Variants in EML1 observed in about 807,000 individuals in gnomAD.
The protein encoded by EML1 is echinoderm microtubule-associated protein-like 1.
A neutral mutation model predicts 110.4 loss-of-function variants in EML1; 27 were observed. The ratio of observed to expected loss-of-function variants is 0.24; its 90% CI spans 0.18 to 0.34. EML1 has a LOEUF of 0.34. Ranked by LOEUF, EML1 falls within the 10% of genes least tolerant of loss-of-function variation. The pLI is 1.00. For synonymous variants in EML1, 344 were observed against 385.8 expected (o/e 0.89, Z 1.27); for missense variants, 741 against 1,030.9 (o/e 0.72, Z 3.85).
At position 99,939,862 on chromosome 14, in the gene EML1, G is replaced by C. The variant is rs1050818870; in HGVS notation, c.2323-125G>C. On this transcript the variant is annotated intron_variant, in intron 21 of 21. Transcript: ENST00000262233. This position sits in a 1 kb window ranked among gnomAD's most constrained non-coding sequence, Gnocchi z 4.2. ...TGTCACACACAGAGCAGGTTCCCAA[G>C]TGAGAGCTGCCGAGCGGAGGGCGAG... is the stretch of plus-strand genomic sequence containing the variant. 8 of 1,265,430 alleles carry C rather than the reference G, an allele frequency of 6.3e-6. No homozygotes were observed. The African/African-American group carries it at 1.2e-4, about 19-fold the overall frequency. The allele number at this position is 1,265,430 out of a possible 1,614,324, so 78.4% of individuals were successfully genotyped here. A position where few individuals can be genotyped will look rare whatever the true frequency, so the allele number is the denominator to read the frequency against.
At chr14:99,917,983 T>A in intron 16 of EML1, 134 bp downstream of exon 16, 1 of 872,678 alleles carries the variant, frequency 1.1e-6, no homozygotes, top group Non-Finnish European at 1.8e-6. Flanking sequence ...TACCAAGAAT[T>A]AAGTTAAAAG....
chr14:99,834,448 C>A (rs1318537155), intron 1 of EML1, among the ~76,000 whole-genome samples: 2 of 151,874 alleles, frequency 1.3e-5, no homozygotes, highest in East Asian at 1.9e-4. Flanking sequence ...ACTACAGGTG[C>A]ACGCCACCAT....
Position 99,737,736 on chromosome 14 carries a change from G to T in EML1, c.-97G>T. 4 of 1,225,608 alleles carry T rather than the reference G, an allele frequency of 3.3e-6. No individual in the cohort carries two copies. The South Asian group carries it at 5.1e-5, about 16-fold the overall frequency. The allele number at this position is 1,225,608 out of a possible 1,614,324, so 75.9% of individuals were successfully genotyped here. On this transcript the variant is annotated 5_prime_UTR_variant, in exon 1 of 11. Transcript: ENST00000554479. Reference sequence around the variant, plus strand: ...GGCGGGACGCTGCCTGGGGCTGGACGCGGAGGAGCCCCAAGCCCTGCTGGG... The same window carrying T: ...GGCGGGACGCTGCCTGGGGCTGGACTCGGAGGAGCCCCAAGCCCTGCTGGG...
At chr14:99,903,641 C>T (rs1361924034) in intron 9 of EML1, among the ~76,000 whole-genome samples, 2 of 152,242 alleles carry the variant, frequency 1.3e-5, no homozygotes, top group African/African-American at 4.8e-5. Context: ...CATATTTATA[C>T]AAATACAGCC....
chr14:99,804,040 G>A (rs2057928426), intron 1 of EML1, among the ~76,000 whole-genome samples: 1 of 152,174 alleles, frequency 6.6e-6, no homozygotes. Flanking sequence ...CTGTTAGCTC[G>A]GCTTCACCGA....
intron 1 of EML1, among the ~76,000 whole-genome samples, chr14:99,806,980 A>G (rs997184110): frequency 2.6e-5 from 4 of 152,150 alleles, no homozygotes; most frequent in Admixed American, 6.5e-5. Context: ...GGGATCTAGG[A>G]AGGATCTGGA....
At chr14:99,800,216 T>A (rs1014736527) in intron 1 of EML1, among the ~76,000 whole-genome samples, 1 of 152,188 alleles carries the variant, frequency 6.6e-6, no homozygotes, top group Non-Finnish European at 1.5e-5. Flanking sequence ...AGGCTGCACA[T>A]TCATTTTAAT....
At chr14:99,750,521 C>A (rs536633702) in intron 1 of EML1, among the ~76,000 whole-genome samples, 11 of 152,300 alleles carry the variant, frequency 7.2e-5, no homozygotes, top group Non-Finnish European at 1.0e-4. Flanking sequence ...AGTCAGATAA[C>A]CTCTCTGGGC....
At chr14:99,868,082 G>A (rs2059132753) in intron 3 of EML1, among the ~76,000 whole-genome samples, 1 of 152,012 alleles carries the variant, frequency 6.6e-6, no homozygotes, top group Non-Finnish European at 1.5e-5. Context: ...TGATCATGTG[G>A]TTTTTGTCCT....
rs188743240 is a variant in EML1 at position 99,889,073 on chromosome 14, C to T, written c.519-2126C>T. Among the ~76,000 whole-genome samples, 105 of 152,316 alleles carry T rather than the reference C, an allele frequency of 6.9e-4. 1 individual carries two copies. The highest frequency in any genetic ancestry group is 3.3e-3 in the Admixed American group (50 of 15,306). On this transcript the variant is annotated intron_variant, in intron 4 of 21. Transcript: ENST00000262233. Reference sequence around the variant, plus strand: ...GAGGAAAGCCGAGAGACGTTCTCCACGCTCAGGGCCTGGAACTAAGTGCCA... The same window carrying T: ...GAGGAAAGCCGAGAGACGTTCTCCATGCTCAGGGCCTGGAACTAAGTGCCA...
At chr14:99,777,153 GAACA>G (rs1225734807) in intron 1 of EML1, among the ~76,000 whole-genome samples, 1 of 151,924 alleles carries the variant, frequency 6.6e-6, no homozygotes, top group Admixed American at 6.6e-5. Context: ...AACAAACTGA[GAACA>G]AATAAATAAA....
chr14:99,864,970 G>A (rs1341910757), intron 2 of EML1, among the ~76,000 whole-genome samples: 1 of 152,170 alleles, frequency 6.6e-6, no homozygotes, highest in East Asian at 1.9e-4. Context: ...AGGAAATTGT[G>A]GAAGATGATT....
At chr14:99,779,692 CT>C (rs2057519487) in intron 1 of EML1, among the ~76,000 whole-genome samples, 1 of 152,340 alleles carries the variant, frequency 6.6e-6, no homozygotes, top group African/African-American at 2.4e-5. Context: ...CAGCAGACCC[CT>C]GGCTGCCAAT....
At chr14:99,856,887 A>C (rs1434989117) in intron 2 of EML1, among the ~76,000 whole-genome samples, 4 of 152,156 alleles carry the variant, frequency 2.6e-5, no homozygotes, top group African/African-American at 9.7e-5. Flanking sequence ...CCCTCACCCC[A>C]TATTGGATTA....
intron 17 of EML1, among the ~76,000 whole-genome samples, chr14:99,932,995 G>A (rs897578479): frequency 6.6e-6 from 1 of 152,046 alleles, no homozygotes; most frequent in Non-Finnish European, 1.5e-5. Flanking sequence ...GCGCACATCT[G>A]TAGTCCCAGC....
In EML1 at chr14:99,793,496, G is replaced by C. The variant is rs752433188; in HGVS notation, c.20G>C (p.Ser7Thr). Residue 7 changes from serine (S) to threonine (T), a missense_variant, in exon 1 of 22, where the codon AGC becomes ACC. Transcript: ENST00000262233. ...CTCAGCATGGAGGACGGCTTCTCCA[G>C]CTACAGCAGCCTGTACGACACGTCC... is the stretch of plus-strand genomic sequence containing the variant. The part of the protein sequence containing the change: MEDGFS[S>T]YSSLYDTSSL... The C allele has an allele frequency of 9.5e-7, 1 of 1,055,842 alleles. No individual in the cohort carries two copies. The highest frequency in any genetic ancestry group is 4.1e-5 in the South Asian group (1 of 24,510). The allele number at this position is 1,055,842 out of a possible 1,614,324, so 65.4% of individuals were successfully genotyped here. A position where few individuals can be genotyped will look rare whatever the true frequency, so the allele number is the denominator to read the frequency against.
At chr14:99,880,104 AATC>A (rs915734999) in intron 4 of EML1, among the ~76,000 whole-genome samples, 1 of 152,196 alleles carries the variant, frequency 6.6e-6, no homozygotes, top group African/African-American at 2.4e-5. Flanking sequence ...AAAATTTACT[AATC>A]ATGTTCCCAA....
chr14:99,818,069 A>C (rs567322068), intron 1 of EML1, among the ~76,000 whole-genome samples: 5 of 152,228 alleles, frequency 3.3e-5, no homozygotes, highest in Admixed American at 6.5e-5. Flanking sequence ...TGCAGTGTTC[A>C]AGAAACCACA....
chr14:99,793,328 C>T (rs988876111), upstream of EML1: 5 of 981,776 alleles, frequency 5.1e-6, no homozygotes, highest in Non-Finnish European at 6.0e-6. Flanking sequence ...GCGGCGGGCC[C>T]GGGGTTGCCA....
Sources: allele counts gnomAD v4.1 joint callset (sites outside exome capture counted in the v4.1 genomes callset), GRCh38; gene constraint gnomAD v4.1.1; non-coding constraint Gnocchi (gnomAD v3.1); transcripts MANE v1.5; gene names NCBI Gene and HGNC (gene_info 2026-07-23, HGNC 2026-07-21).